Variants in ASGR1 observed in about 807,000 individuals in gnomAD.
ASGR1 encodes the protein C-type lectin domain family 4 member H1.
ASGR1 carries 35 observed loss-of-function variants against 33.1 expected under a neutral mutation model. The ratio of observed to expected loss-of-function variants is 1.06; its 90% confidence interval spans 0.81 to 1.40. ASGR1 has a LOEUF of 1.40. ASGR1 is among the 40% of genes most tolerant of loss of function. ASGR1 has a pLI of 0.00. For missense variants in ASGR1, 396 were observed against 373.7 expected (o/e 1.06, Z -0.49); for synonymous variants, 142 against 152.5 (o/e 0.93, Z 0.51).
intron 5 of ASGR1, among the ~76,000 whole-genome samples, chr17:7,175,353 C>T (rs1381269901): frequency 1.3e-5 from 2 of 149,382 alleles, no homozygotes; most frequent in Non-Finnish European, 3.0e-5. Flanking sequence ...CCCACACACA[C>T]ACACAACACA....
intron 5 of ASGR1, 35 bp downstream of exon 5, chr17:7,176,791 TTCAC>T (rs758437442): frequency 3.6e-5 from 54 of 1,483,050 alleles, no homozygotes; most frequent in South Asian, 4.8e-5. Flanking sequence ...CTCACTCTCT[TTCAC>T]ACACACACAC....
In ASGR1 at chr17:7,173,890, C is replaced by G; in HGVS notation, c.702-57G>C. The G allele has an allele frequency of 6.2e-7, 1 of 1,609,414 alleles. No individual in the cohort carries two copies. The highest frequency in any genetic ancestry group is 1.7e-5 in the Admixed American group (1 of 59,892). ...GGTCGGATCCGCAGGCGGGTCGCTC[C>G]AGACTCCTCAGCCCAGGGCCCCAGG... On this transcript the variant is annotated intron_variant, in intron 8 of 8. Coordinates refer to ENST00000269299, the MANE Select transcript of ASGR1 (RefSeq NM_001671.5). This position sits in a 1 kb window ranked among gnomAD's most constrained non-coding sequence, Gnocchi z 4.7.
intron 5 of ASGR1, among the ~76,000 whole-genome samples, chr17:7,175,460 A>T (rs1279798465): frequency 1.3e-5 from 2 of 148,594 alleles, no homozygotes. Context: ...ACACCCACAC[A>T]TACAACACAC....
intron 6 of ASGR1, 33 bp downstream of exon 6, chr17:7,174,341 G>A (rs370567183): frequency 2.5e-6 from 4 of 1,613,744 alleles, no homozygotes; most frequent in Non-Finnish European, 3.4e-6. Flanking sequence ...GAGAAGGGGG[G>A]AGGCAGAGAG....
intron 5 of ASGR1, among the ~76,000 whole-genome samples, chr17:7,176,138 A>G (rs914630605): frequency 7.4e-6 from 1 of 135,212 alleles, no homozygotes; most frequent in Non-Finnish European, 1.6e-5. Flanking sequence ...TCACACACAC[A>G]CCCATCTCAT....
At chr17:7,175,248 CAT>C (rs2069182821) in intron 5 of ASGR1, among the ~76,000 whole-genome samples, 1 of 150,230 alleles carries the variant, frequency 6.7e-6, no homozygotes, top group Non-Finnish European at 1.5e-5. Flanking sequence ...ACACCCACAA[CAT>C]ACACCCTCAC....
In ASGR1 at chr17:7,177,049, C is replaced by T. The variant is rs868440899; in HGVS notation, c.215G>A (p.Gly72Asp). 1 of 1,613,538 alleles carries T rather than the reference C, an allele frequency of 6.2e-7. No homozygotes were observed. The highest frequency in any genetic ancestry group is 8.5e-7 in the Non-Finnish European group (1 of 1,179,972). The change falls in exon 4 of 9, where the codon GGC becomes GAC. Residue 72 changes from glycine to aspartate, a missense_variant. Transcript: ENST00000269299. ...QNSQLQEELRGLRETFSNFTA... is the reference protein window; with the variant it reads ...QNSQLQEELRDLRETFSNFTA... ...GAAGTTGCTGAACGTCTCTCTCAGGCCCCGCAGCTCCTCCTGCAGCTGGGA... is the reference window on the plus strand; with the variant it reads ...GAAGTTGCTGAACGTCTCTCTCAGGTCCCGCAGCTCCTCCTGCAGCTGGGA...
rs1032465547 is a variant in ASGR1, at chr17:7,177,538, C to A, written c.71-212G>T. On this transcript the variant is annotated intron_variant, in intron 2 of 8. Transcript: ENST00000269299. The stretch of plus-strand genomic sequence containing the variant: ...TGGGGAAGGGGGCTAAGCGCTGAGC[C>A]GCCCCATCCCACCGAGGCCCTGAGC... The A allele has an allele frequency of 2.4e-5, 13 of 530,954 alleles. No homozygotes were observed. The Admixed American group carries it at 4.1e-4, about 17-fold the overall frequency. The allele number at this position is 530,954 out of a possible 1,614,324, so 32.9% of individuals were successfully genotyped here. A position where few individuals can be genotyped will look rare whatever the true frequency, so the allele number is the denominator to read the frequency against.
In ASGR1 at chr17:7,177,089, G is replaced by C. The variant is rs2069227120; in HGVS notation, c.188-13C>G. ...TGCAGCTGGGAGTCTGGCCAGGACA[G>C]CGTGCAGAGAGAAGAAAACGGGATC... On this transcript the variant is annotated splice_polypyrimidine_tract_variant and intron_variant, in intron 3 of 8. Coordinates refer to ENST00000269299, the MANE Select transcript of ASGR1 (RefSeq NM_001671.5). 1 of 1,613,810 alleles carries C rather than the reference G, an allele frequency of 6.2e-7. No homozygotes were observed. Among genetic ancestry groups the C allele is most frequent in the African/African-American group, 1.3e-5 (1 of 74,996 alleles).
rs138199073 is a variant in ASGR1, at chr17:7,178,519, C to T, written c.45G>A (p.Glu15=). 2 of 1,614,130 alleles carry T rather than the reference C, an allele frequency of 1.2e-6. No homozygotes were observed. Among genetic ancestry groups the T allele is most frequent in the South Asian group, 1.1e-5 (1 of 91,082 alleles). The part of the protein sequence containing the change: ...YQDLQHLDNE[E]SDHHQLRKGP... ...CTTTTCTGAGCTGATGGTGGTCACT[C>T]TCCTCATTGTCCAGATGCTGAAGGT... The change falls in exon 2 of 9, where the codon GAG becomes GAA. Residue 15 remains glutamate, a synonymous_variant. Transcript: ENST00000269299.
chr17:7,174,821 G>C lies in ASGR1; in HGVS notation c.356-361C>G, dbSNP rs548478377. Among the ~76,000 whole-genome samples, 686 of 138,826 alleles carry C rather than the reference G, an allele frequency of 4.9e-3. 3 individuals carry two copies. Among genetic ancestry groups the C allele is most frequent in the African/African-American group, 0.018 (658 of 36,498 alleles). The allele number at this position is 138,826 out of a possible 152,430, so 91.1% of individuals were successfully genotyped here. On this transcript the variant is annotated intron_variant, in intron 5 of 8. Coordinates refer to ENST00000269299, the MANE Select transcript of ASGR1 (RefSeq NM_001671.5). ...GACACAAACGCAGACAACACACAGA[G>C]ACACACAACACACCCTAACCCACAT... is the stretch of plus-strand genomic sequence containing the variant.
At chr17:7,176,792 TCACACACA>T (rs71361405) in intron 5 of ASGR1, 30 bp downstream of exon 5, 71 of 1,474,970 alleles carry the variant, frequency 4.8e-5, no homozygotes, top group East Asian at 3.8e-4. Context: ...TCACTCTCTT[TCACACACA>T]CACACACACA....
Position 7,173,981 on chromosome 17 carries a change from C to T in ASGR1, c.681G>A (p.Thr227=), listed in dbSNP as rs867393231. 6.2e-7 allele frequency: 1 copy of T among 1,614,098 alleles called. No homozygotes were observed. Among genetic ancestry groups the T allele is most frequent in the African/African-American group, 1.3e-5 (1 of 74,956 alleles). Residue 227 remains threonine, a synonymous_variant, in exon 8 of 9, where the codon ACG becomes ACA. Transcript: ENST00000269299. This position sits in a 1 kb window ranked among gnomAD's most constrained non-coding sequence, Gnocchi z 4.7. ...QNGPWKWVDG[T]DYETGFKNWR... ...CTCACTTGAAGCCCGTCTCGTAGTC[C>T]GTCCCGTCCACCCACTTCCAGGGCC...
At chr17:7,177,368 A>G in intron 2 of ASGR1, 42 bp from the exon 3 acceptor site, 2 of 1,532,740 alleles carry the variant, frequency 1.3e-6, no homozygotes, top group Non-Finnish European at 1.8e-6. Context: ...GACAGAGGGG[A>G]CCCTGGCACA....
intron 5 of ASGR1, among the ~76,000 whole-genome samples, chr17:7,176,327 CT>C (rs1429032203): frequency 1.3e-5 from 2 of 149,446 alleles, no homozygotes; most frequent in African/African-American, 4.9e-5. Flanking sequence ...ACAAACACCC[CT>C]CATTCTCACA....
At position 7,178,785 on chromosome 17, in the gene ASGR1, G is replaced by A. The variant is rs545630176; in HGVS notation, c.-25-197C>T. ...GGGAGTCTTGCTCTGTCCCCAGGCC[G>A]GAGTGCAGTGGCATGATCTCAGCTT... On this transcript the variant is annotated intron_variant, in intron 1 of 8. Transcript: ENST00000269299. 4.9e-5 allele frequency: 21 copies of A among 430,836 alleles called. 1 individual carries two copies. Among genetic ancestry groups the A allele is most frequent in the South Asian group, 4.3e-4 (11 of 25,850 alleles). 26.7% of individuals were successfully genotyped at this position (430,836 alleles called of 1,614,324 possible).
intron 5 of ASGR1, among the ~76,000 whole-genome samples, chr17:7,175,959 CACAT>C (rs202143144): frequency 0.016 from 2,408 of 150,486 alleles, 33 homozygotes; most frequent in Middle Eastern, 0.088. Context: ...CACACTAACA[CACAT>C]ACACACGTTC....
Position 7,174,138 on chromosome 17 carries a change from C to T in ASGR1, c.594G>A (p.Gln198=). Residue 198 remains glutamine (Q), a splice_region_variant and synonymous_variant, in exon 7 of 9, where the codon CAG becomes CAA. Coordinates refer to ENST00000269299, the MANE Select transcript of ASGR1 (RefSeq NM_001671.5). ...CCTCCCAGACCCTCCGGGTCCTCAC[C>T]TGCTCCTCCCAGGACGTGACCACCA... is the stretch of plus-strand genomic sequence containing the variant. ...HLVVVTSWEE[Q]KFVQHHIGPV... is the part of the protein sequence containing the mutation. 1 of 1,614,082 alleles carries T rather than the reference C, an allele frequency of 6.2e-7. No homozygotes were observed. Among genetic ancestry groups the T allele is most frequent in the Non-Finnish European group, 8.5e-7 (1 of 1,179,958 alleles).
Position 7,176,869 on chromosome 17 carries a change from C to G in ASGR1, c.316G>C (p.Glu106Gln). The change falls in exon 5 of 9, where the codon GAG (glutamate) becomes CAG (glutamine). Residue 106 changes from glutamate (E) to glutamine (Q), a missense_variant. Transcript: ENST00000269299. ...GNVGRKMKSL[E>Q]SQLEKQQKDL... is the part of the protein sequence containing the mutation. ...TTCTGCTGTTTCTCCAGCTGGGACT[C>G]TAGCGACTTCATCTTTCTTCCCACA... 6.2e-7 allele frequency: 1 copy of G among 1,613,290 alleles called. No individual in the cohort carries two copies. The highest frequency in any genetic ancestry group is 8.5e-7 in the Non-Finnish European group (1 of 1,180,008).
Sources: gnomAD v4.1 joint callset for allele counts (sites outside exome capture counted in the v4.1 genomes callset) on GRCh38, gnomAD v4.1.1 for gene constraint, Gnocchi (gnomAD v3.1) non-coding constraint, MANE v1.5 for transcripts, NCBI Gene and HGNC (gene_info 2026-07-23, HGNC 2026-07-21) for gene names.